SLC38A10: variants seen among roughly 807,000 people sequenced by gnomAD.
SLC38A10 encodes solute carrier family 38 member 10, also known as Sodium-coupled neutral amino acid transporter 10.
SLC38A10 carries 53 observed loss-of-function variants against 81.0 expected under a neutral mutation model. The ratio of observed to expected loss-of-function variants is 0.65; its 90% CI spans 0.53 to 0.82. The LOEUF (loss-of-function observed/expected upper bound fraction) is 0.82. Ranked by LOEUF, SLC38A10 falls within the 40% of genes least tolerant of loss-of-function variation. The probability of loss-of-function intolerance (pLI) is 0.00; values close to 1 mark genes in which losing one functional copy is unlikely to be tolerated. For missense variants in SLC38A10, 1,471 were observed against 1,545.0 expected (o/e 0.95, Z 0.80); for synonymous variants, 665 against 655.3 (o/e 1.01, Z -0.23).
chr17:81,275,853 C>G lies in SLC38A10; in HGVS notation c.912+116G>C, dbSNP rs1330070554. 2.4e-6 allele frequency: 3 copies of G among 1,269,484 alleles called. No individual in the cohort carries two copies. In the African/African-American group the frequency reaches 4.5e-5, roughly 19 times the overall value. 78.6% of individuals were successfully genotyped at this position (1,269,484 alleles called of 1,614,324 possible). A position where few individuals can be genotyped will look rare whatever the true frequency, so the allele number is the denominator to read the frequency against. ...CCCAACTTCCGCCCTCCCGGGACTCCTCTGACGCAAATCCCCACTTTCCTG... is the reference window on the plus strand; with the variant it reads ...CCCAACTTCCGCCCTCCCGGGACTCGTCTGACGCAAATCCCCACTTTCCTG... On this transcript the variant is annotated intron_variant, in intron 8 of 15. Transcript: ENST00000374759.
At chr17:81,259,671 C>T (rs1027008607) in intron 11 of SLC38A10, among the ~76,000 whole-genome samples, 2 of 152,096 alleles carry the variant, frequency 1.3e-5, no homozygotes, top group African/African-American at 4.8e-5. Context: ...CAGACGGAGG[C>T]GTCAGGGTTA....
intron 10 of SLC38A10, among the ~76,000 whole-genome samples, chr17:81,261,761 G>A (rs577810995): frequency 6.6e-6 from 1 of 152,388 alleles, no homozygotes; most frequent in East Asian, 1.9e-4. Flanking sequence ...CGGCCGCAAT[G>A]TGCCTCGGGG....
intron 13 of SLC38A10, 96 bp downstream of exon 13, chr17:81,252,099 G>A: frequency 1.4e-6 from 2 of 1,453,328 alleles, no homozygotes; most frequent in South Asian, 1.4e-5. Flanking sequence ...GAGAGACTGG[G>A]GACTGAGGGA....
chr17:81,272,458 G>C (rs2063124986), intron 9 of SLC38A10, 58 bp downstream of exon 9: 4 of 1,162,038 alleles, frequency 3.4e-6, no homozygotes, highest in Non-Finnish European at 3.6e-6. Flanking sequence ...GCAGGTCTTG[G>C]TTGATGCCGA....
chr17:81,263,743 G>C (rs1256485170), intron 10 of SLC38A10: 1 of 152,378 alleles, frequency 6.6e-6, no homozygotes, highest in African/African-American at 2.4e-5. Context: ...CGAGGAGGCC[G>C]CATGGGCACT....
chr17:81,267,710 A>G (rs1567936154), intron 10 of SLC38A10, among the ~76,000 whole-genome samples: 1 of 152,156 alleles, frequency 6.6e-6, no homozygotes, highest in Non-Finnish European at 1.5e-5. Context: ...CTTCCTATTT[A>G]AAACAATGGT....
rs2146953785 is a variant in SLC38A10 at position 81,286,575 on chromosome 17, G to A, written c.218-1680C>T. 6.6e-6 allele frequency among the ~76,000 whole-genome samples: 1 copy of A among 152,344 alleles called. No individual in the cohort carries two copies. Among genetic ancestry groups the A allele is most frequent in the East Asian group, 1.9e-4 (1 of 5,186 alleles). ...GCACAGAGAAAGGGAGGAAGAGGCT[G>A]AAGCGCCCAGCAAGGTCCCGGGGAC... On this transcript the variant is annotated intron_variant, in intron 2 of 15. Transcript: ENST00000374759. The surrounding 1 kb of genome is among the most constrained non-coding windows in gnomAD (Gnocchi z 6.0).
In SLC38A10 at chr17:81,252,247, C is replaced by T. The variant is rs373189727; in HGVS notation, c.1893G>A (p.Pro631=). ...CTGTGTCCCCGGCGGCGTTGCCTGGCGGCGGTCCCCCCTTGGCCTTTTCCC... is the reference window on the plus strand; with the variant it reads ...CTGTGTCCCCGGCGGCGTTGCCTGGTGGCGGTCCCCCCTTGGCCTTTTCCC... ...GGGEKAKGGP[P]PGNAAGDTGQ... The change falls in exon 13 of 16, where the codon CCG becomes CCA. Residue 631 remains proline, a synonymous_variant. Transcript: ENST00000374759. The T allele has an allele frequency of 1.2e-5, 18 of 1,551,736 alleles. No individual in the cohort carries two copies. The African/African-American group carries it at 1.2e-4, about 11-fold the overall frequency.
chr17:81,247,673 A>AT (rs1414021529), intron 14 of SLC38A10: 3 of 151,578 alleles, frequency 2.0e-5, no homozygotes, highest in Admixed American at 6.6e-5. Context: ...CAAAAACAAA[A>AT]AAAACAAAAA....
chr17:81,258,984 G>T (rs2062997014), intron 11 of SLC38A10, among the ~76,000 whole-genome samples: 1 of 152,232 alleles, frequency 6.6e-6, no homozygotes, highest in Admixed American at 6.5e-5. Context: ...TGGCAAATAT[G>T]AGCACAGCGG....
Position 81,277,125 on chromosome 17 carries a change from A to G in SLC38A10, c.635T>C (p.Leu212Pro). The part of the protein sequence containing the change: ...GMSFACQSQV[L>P]PTYDSLDEPS... The stretch of plus-strand genomic sequence containing the variant: ...CTCATCCAGGCTGTCGTAGGTGGGC[A>G]GCACCTGGCTGTATAGAAACAGGCC... The change falls in exon 7 of 16, where the codon CTG (leucine) becomes CCG (proline). Residue 212 changes from leucine to proline, a missense_variant. Leu to Pro is a moderately conservative substitution (Grantham distance 98). This residue lies in a region of SLC38A10 where 720 missense variants were observed against 827.7 expected (regional missense o/e 0.87). Transcript: ENST00000374759. This position sits in a 1 kb window ranked among gnomAD's most constrained non-coding sequence, Gnocchi z 4.5. 1 of 1,613,864 alleles carries G rather than the reference A, an allele frequency of 6.2e-7. No homozygotes were observed. Among genetic ancestry groups the G allele is most frequent in the Non-Finnish European group, 8.5e-7 (1 of 1,179,864 alleles).
chr17:81,281,040 A>G lies in SLC38A10; in HGVS notation c.502-307T>C, dbSNP rs2063207889. On this transcript the variant is annotated intron_variant, in intron 5 of 15. Coordinates refer to ENST00000374759, the MANE Select transcript of SLC38A10 (RefSeq NM_001037984.3). This position sits in a 1 kb window ranked among gnomAD's most constrained non-coding sequence, Gnocchi z 5.3. ...GACGGGAGGAGACCACTGAGCATGC[A>G]TGGCCCCAGTTTCCGTCGGTTACAG... Among the ~76,000 whole-genome samples, 1 of 152,224 alleles carries G rather than the reference A, an allele frequency of 6.6e-6. No homozygotes were observed. The highest frequency in any genetic ancestry group is 2.4e-5 in the African/African-American group (1 of 41,456).
chr17:81,289,334 G>A lies in SLC38A10; in HGVS notation c.217+357C>T, dbSNP rs962615494. 1.3e-5 allele frequency among the ~76,000 whole-genome samples: 2 copies of A among 151,480 alleles called. No individual in the cohort carries two copies. Among genetic ancestry groups the A allele is most frequent in the Non-Finnish European group, 2.9e-5 (2 of 67,942 alleles). On this transcript the variant is annotated intron_variant, in intron 2 of 15. Coordinates refer to ENST00000374759, the MANE Select transcript of SLC38A10 (RefSeq NM_001037984.3). The surrounding 1 kb of genome is among the most constrained non-coding windows in gnomAD (Gnocchi z 5.9). ...TGGGATTACAGGCACGAGCCACCAC[G>A]CCCGGCAGGTTTTTTTTTTAACTGC...
intron 14 of SLC38A10, chr17:81,247,283 C>T (rs956268960): frequency 2.4e-6 from 1 of 422,302 alleles, no homozygotes; most frequent in African/African-American, 2.0e-5. Flanking sequence ...CCCTGACTGC[C>T]CCTGGAAGCC....
At chr17:81,293,825 G>C (rs2146963793) in intron 1 of SLC38A10, among the ~76,000 whole-genome samples, 1 of 152,230 alleles carries the variant, frequency 6.6e-6, no homozygotes, top group Non-Finnish European at 1.5e-5. Flanking sequence ...CTACCTACTT[G>C]GTAACGTTTC....
rs1203197735 is a variant in SLC38A10, at chr17:81,275,500, G to A, written c.912+469C>T. Among the ~76,000 whole-genome samples, 5 of 151,636 alleles carry A rather than the reference G, an allele frequency of 3.3e-5. No homozygotes were observed. In the South Asian group the frequency reaches 8.3e-4, roughly 25 times the overall value. On this transcript the variant is annotated intron_variant, in intron 8 of 15. Coordinates refer to ENST00000374759, the MANE Select transcript of SLC38A10 (RefSeq NM_001037984.3). ...TGTAATCCCAGCACTTTGGGAGGCCGAGACGGGCGGATCACGAGGTCAGGA... is the reference window on the plus strand; with the variant it reads ...TGTAATCCCAGCACTTTGGGAGGCCAAGACGGGCGGATCACGAGGTCAGGA...
In SLC38A10 at chr17:81,294,805, C is replaced by A; in HGVS notation, c.99+18G>T. On this transcript the variant is annotated intron_variant, in intron 1 of 15. Transcript: ENST00000374759. The stretch of plus-strand genomic sequence containing the variant: ...CGGGGGAGGCGAGGGCGGTGATCTC[C>A]GGGCCCACCGGACTCACCTGTTTGA... 6.4e-7 allele frequency: 1 copy of A among 1,566,880 alleles called. No individual in the cohort carries two copies. Among genetic ancestry groups the A allele is most frequent in the Non-Finnish European group, 8.6e-7 (1 of 1,156,216 alleles).
chr17:81,249,433 G>GGAGGGAAGA, intron 14 of SLC38A10, among the ~76,000 whole-genome samples: 2 of 834 alleles, frequency 2.4e-3, no homozygotes, highest in East Asian at 0.036. Flanking sequence ...GGGAGAAGGA[G>GGAGGGAAGA]GGAGGGAGAA....
intron 9 of SLC38A10, among the ~76,000 whole-genome samples, chr17:81,271,852 A>C (rs1414674872): frequency 3.5e-5 from 5 of 143,466 alleles, no homozygotes; most frequent in African/African-American, 1.3e-4. Flanking sequence ...TCAGCCTCCC[A>C]AGTAGCTGGG....
Sources: gnomAD v4.1 joint callset for allele counts (sites outside exome capture counted in the v4.1 genomes callset) on GRCh38, gnomAD v4.1.1 for gene constraint, gnomAD v4.1.1 regional missense constraint, Gnocchi (gnomAD v3.1) non-coding constraint, MANE v1.5 for transcripts, NCBI Gene and HGNC (gene_info 2026-07-23, HGNC 2026-07-21) for gene names.